Variants in TSHZ3 observed in about 807,000 individuals in gnomAD.
TSHZ3 encodes teashirt zinc finger homeobox 3, also known as teashirt homolog 3.
Under a neutral mutation model 64.5 loss-of-function variants are expected in TSHZ3, and 10 were observed. That is an observed-to-expected ratio of 0.16 (90% CI 0.10 to 0.26). The LOEUF (loss-of-function observed/expected upper bound fraction) is 0.26, where lower values mean the gene tolerates loss of function less well. Among genes scored for constraint, TSHZ3 ranks in the 10% least tolerant of loss-of-function variants. The probability of loss-of-function intolerance (pLI) is 1.00; values close to 1 mark genes in which losing one functional copy is unlikely to be tolerated. For synonymous variants in TSHZ3, 608 were observed against 593.1 expected (o/e 1.03, Z -0.36); for missense variants, 1,242 against 1,421.7 (o/e 0.87, Z 2.03).
intron 1 of TSHZ3, among the ~76,000 whole-genome samples, chr19:31,334,322 A>G (rs949239101): frequency 1.3e-5 from 2 of 152,238 alleles, no homozygotes; most frequent in Non-Finnish European, 2.9e-5. Context: ...AAACAAAGGC[A>G]AGAAATGGAA....
At position 31,311,865 on chromosome 19, in the gene TSHZ3, A is replaced by C. The variant is rs576459908; in HGVS notation, c.41-32113T>G. ...CAGCCTCCTGAGTAGCTGGGACTGCAGGTGTGCGCCACCACGCCTGGCAAA... is the reference window on the plus strand; with the variant it reads ...CAGCCTCCTGAGTAGCTGGGACTGCCGGTGTGCGCCACCACGCCTGGCAAA... On this transcript the variant is annotated intron_variant, in intron 1 of 1. Coordinates refer to ENST00000240587, the MANE Select transcript of TSHZ3 (RefSeq NM_020856.4). Among the ~76,000 whole-genome samples the C allele has an allele frequency of 5.9e-5, 9 of 152,302 alleles. 1 individual carries two copies. In the South Asian group the frequency reaches 1.0e-3, roughly 18 times the overall value.
At chr19:31,195,061 T>TG (rs901991339) in intron 5 of TSHZ3, among the ~76,000 whole-genome samples, 2 of 150,582 alleles carry the variant, frequency 1.3e-5, no homozygotes, top group Admixed American at 6.6e-5. Context: ...AAGAAAAAAA[T>TG]GGGGGGGAAG....
intron 5 of TSHZ3, among the ~76,000 whole-genome samples, chr19:31,181,131 G>C (rs954545169): frequency 6.6e-6 from 1 of 152,056 alleles, no homozygotes; most frequent in Non-Finnish European, 1.5e-5. Flanking sequence ...GGGTAGCAGA[G>C]ATTTAGATCC....
chr19:31,212,205 C>T (rs1407132568), intron 4 of TSHZ3, among the ~76,000 whole-genome samples: 1 of 152,044 alleles, frequency 6.6e-6, no homozygotes, highest in Non-Finnish European at 1.5e-5. Flanking sequence ...CCTGTAATAC[C>T]AGCAATTTGG....
intron 5 of TSHZ3, among the ~76,000 whole-genome samples, chr19:31,181,799 C>T (rs1974720912): frequency 6.6e-6 from 1 of 152,114 alleles, no homozygotes; most frequent in African/African-American, 2.4e-5. Flanking sequence ...TTTCTTTTTG[C>T]AATATTTTCA....
At chr19:31,299,703 C>T (rs558723490) in intron 1 of TSHZ3, among the ~76,000 whole-genome samples, 11 of 152,244 alleles carry the variant, frequency 7.2e-5, no homozygotes, top group Non-Finnish European at 7.4e-5. Flanking sequence ...TCAAACGCTG[C>T]CTTACAGCTG....
At position 31,193,307 on chromosome 19, in the gene TSHZ3, C is replaced by T. The variant is rs982529917; in HGVS notation, n.809+11649G>A. Among the ~76,000 whole-genome samples the T allele has an allele frequency of 3.9e-5, 6 of 152,132 alleles. No individual in the cohort carries two copies. The East Asian group carries it at 1.2e-3, about 29-fold the overall frequency. On this transcript the variant is annotated intron_variant and non_coding_transcript_variant, in intron 5 of 6. Transcript: ENST00000651361. ...TCAGTCATATTTTGCAGGAAGCAGT[C>T]TCTGTCAGTAACAAATATCCAACTC...
chr19:31,342,791 T>C (rs1917475649), intron 1 of TSHZ3, among the ~76,000 whole-genome samples: 1 of 152,170 alleles, frequency 6.6e-6, no homozygotes, highest in African/African-American at 2.4e-5. Flanking sequence ...GTGTTTTCCA[T>C]TGCTATAAAC....
At chr19:31,151,444 C>T (rs982341663) in exon 7 of TSHZ3, among the ~76,000 whole-genome samples, 14 of 152,300 alleles carry the variant, frequency 9.2e-5, no homozygotes, top group Admixed American at 2.6e-4. Flanking sequence ...GCCTGATCCC[C>T]TTTCTTCTGA....
At chr19:31,192,041 T>G (rs1974917726) in intron 5 of TSHZ3, among the ~76,000 whole-genome samples, 1 of 152,220 alleles carries the variant, frequency 6.6e-6, no homozygotes, top group Non-Finnish European at 1.5e-5. Context: ...ATTGGAATGT[T>G]CTTCATTATA....
intron 1 of TSHZ3, among the ~76,000 whole-genome samples, chr19:31,286,651 C>G (rs1234190321): frequency 5.9e-5 from 9 of 152,206 alleles, no homozygotes. Context: ...CTCCTAAGAC[C>G]CACACCCGGG....
intron 1 of TSHZ3, among the ~76,000 whole-genome samples, chr19:31,258,039 A>C (rs1975935431): frequency 6.6e-6 from 1 of 152,150 alleles, no homozygotes; most frequent in Admixed American, 6.5e-5. Flanking sequence ...AGACTGGGGC[A>C]ATTGATAAAC....
Position 31,322,158 on chromosome 19 carries a change from C to T in TSHZ3, c.40+27022G>A, listed in dbSNP as rs571855689. ...TTTGTTTTTTTTTGTTTTTCTCAGA[C>T]GGAGTCTTGCTCTGTCACCCAGGCT... is the stretch of plus-strand genomic sequence containing the variant. On this transcript the variant is annotated intron_variant, in intron 1 of 1. Transcript: ENST00000240587. Among the ~76,000 whole-genome samples the T allele has an allele frequency of 5.9e-5, 9 of 152,202 alleles. No homozygotes were observed. The East Asian group carries it at 7.7e-4, about 13-fold the overall frequency.
intron 1 of TSHZ3, among the ~76,000 whole-genome samples, chr19:31,347,813 C>A (rs1170583894): frequency 6.6e-6 from 1 of 152,162 alleles, no homozygotes; most frequent in Non-Finnish European, 1.5e-5. Context: ...ATTATCATTC[C>A]TTCTCTGTGA....
intron 3 of TSHZ3, among the ~76,000 whole-genome samples, chr19:31,241,062 T>G (rs1975682074): frequency 6.6e-6 from 1 of 152,344 alleles, no homozygotes. Context: ...GTTTTTATTT[T>G]TGTATGCCTA....
intron 4 of TSHZ3, among the ~76,000 whole-genome samples, chr19:31,220,650 T>C (rs1484106101): frequency 1.3e-5 from 2 of 152,190 alleles, no homozygotes; most frequent in Non-Finnish European, 2.9e-5. Context: ...TGGCGCCCTT[T>C]CTATTCAGCT....
At chr19:31,198,256 G>T (rs1471966995) in intron 5 of TSHZ3, among the ~76,000 whole-genome samples, 2 of 152,034 alleles carry the variant, frequency 1.3e-5, no homozygotes, top group Non-Finnish European at 2.9e-5. Flanking sequence ...CATCACTTAT[G>T]ATAAAAACTA....
intron 5 of TSHZ3, among the ~76,000 whole-genome samples, chr19:31,170,385 C>T (rs921878197): frequency 1.2e-4 from 18 of 152,176 alleles, no homozygotes; most frequent in African/African-American, 3.9e-4. Flanking sequence ...TAAACCTAAT[C>T]GCCTCACAAA....
downstream of TSHZ3, among the ~76,000 whole-genome samples, chr19:31,270,532 A>T (rs1393703417): frequency 1.3e-5 from 2 of 152,120 alleles, no homozygotes; most frequent in African/African-American, 4.8e-5. Flanking sequence ...GTTGGTCACT[A>T]TGTTGCCCCT....
Sources: allele counts gnomAD v4.1 joint callset (sites outside exome capture counted in the v4.1 genomes callset), GRCh38; gene constraint gnomAD v4.1.1; transcripts MANE v1.5; gene names NCBI Gene and HGNC (gene_info 2026-07-23, HGNC 2026-07-21).